Variants in IL16 observed in about 807,000 individuals in gnomAD.
The protein encoded by IL16 is pro-interleukin-16.
In IL16, 67 loss-of-function variants were observed where a neutral mutation model predicts 110.1. The ratio of observed to expected loss-of-function variants is 0.61; its 90% CI spans 0.50 to 0.75. The LOEUF (loss-of-function observed/expected upper bound fraction) is 0.75, where lower values mean the gene tolerates loss of function less well. Ranked by LOEUF, IL16 falls within the 30% of genes least tolerant of loss-of-function variation. The probability of loss-of-function intolerance (pLI) is 0.00; values close to 1 mark genes in which losing one functional copy is unlikely to be tolerated. For missense variants in IL16, 1,545 were observed against 1,655.0 expected (o/e 0.93, Z 1.15); for synonymous variants, 689 against 662.9 (o/e 1.04, Z -0.61).
At chr15:81,232,117 A>T in intron 2 of IL16, among the ~76,000 whole-genome samples, 2 of 89,402 alleles carry the variant, frequency 2.2e-5, no homozygotes. Context: ...TTTCCGTTGG[A>T]ATTTTTATTG....
chr15:81,281,426 A>G (rs1218309738), intron 8 of IL16, among the ~76,000 whole-genome samples: 1 of 152,076 alleles, frequency 6.6e-6, no homozygotes, highest in Admixed American at 6.5e-5. Context: ...ATCCAGCCCC[A>G]CGGCCCTAAC....
At chr15:81,294,062 G>A (rs563792960) in intron 12 of IL16, among the ~76,000 whole-genome samples, 72 of 152,316 alleles carry the variant, frequency 4.7e-4, no homozygotes, top group African/African-American at 1.3e-3. Flanking sequence ...TAAGCACACC[G>A]TGGGCAGGTG....
intron 2 of IL16, among the ~76,000 whole-genome samples, chr15:81,238,831 T>TTG (rs1897257268): frequency 6.6e-6 from 1 of 151,364 alleles, no homozygotes; most frequent in African/African-American, 2.4e-5. Context: ...CTTTTAGTTT[T>TTG]TTTTTTTTTT....
At chr15:81,215,724 G>A (rs1473374572) in intron 1 of IL16, among the ~76,000 whole-genome samples, 2 of 152,166 alleles carry the variant, frequency 1.3e-5, no homozygotes, top group Non-Finnish European at 2.9e-5. Context: ...TTCCCACCCT[G>A]GCCCGGGAAC....
intron 12 of IL16, among the ~76,000 whole-genome samples, chr15:81,294,181 G>A (rs17875489): frequency 0.019 from 2,864 of 152,338 alleles, 89 homozygotes; most frequent in African/African-American, 0.058. Flanking sequence ...GAAAGTGAAG[G>A]AGGGAGGAGG....
chr15:81,218,912 T>A (rs1045162607), intron 1 of IL16, among the ~76,000 whole-genome samples: 3 of 150,550 alleles, frequency 2.0e-5, no homozygotes, highest in Non-Finnish European at 2.9e-5. Context: ...TTCTCCTCTT[T>A]TACTGTTTTT....
At chr15:81,253,450 C>T (rs2142156446) in intron 2 of IL16, among the ~76,000 whole-genome samples, 1 of 152,098 alleles carries the variant, frequency 6.6e-6, no homozygotes, top group Non-Finnish European at 1.5e-5. Context: ...TGATGGTGTC[C>T]TTTGAGGCAC....
intron 13 of IL16, 69 bp from the exon 14 acceptor site, chr15:81,299,311 A>G (rs1346964651): frequency 6.2e-7 from 1 of 1,600,470 alleles, no homozygotes; most frequent in Admixed American, 1.7e-5. Context: ...CAGCTTGGAA[A>G]CTAGAATTTA....
chr15:81,225,349 AG>A lies in IL16; in HGVS notation c.-48del. On this transcript the variant is annotated 5_prime_UTR_variant, in exon 2 of 19. An upstream open reading frame in the 5' UTR loses its in-frame stop. Transcript: ENST00000683961. ...CTGTCCAGTGGCCACCCGTCAGCCA[AG>A]GGCCAGAGACCAGGAAAGGAAGAAA... is the stretch of plus-strand genomic sequence containing the variant. 1 of 1,594,678 alleles carries A rather than the reference AG, an allele frequency of 6.3e-7. No homozygotes were observed.
rs1900825270 is a variant in IL16 at position 81,311,006 on chromosome 15, C to T, written c.*2208C>T. The T allele has an allele frequency of 6.6e-6, 1 of 152,248 alleles. No homozygotes were observed. The highest frequency in any genetic ancestry group is 2.1e-4 in the South Asian group (1 of 4,834). The allele number at this position is 152,248 out of a possible 1,614,324, so 9.4% of individuals were successfully genotyped here. A position where few individuals can be genotyped will look rare whatever the true frequency, so the allele number is the denominator to read the frequency against. On this transcript the variant is annotated 3_prime_UTR_variant, in exon 19 of 19. Transcript: ENST00000683961. The stretch of plus-strand genomic sequence containing the variant: ...ACTCCTAGGGCCACTGAAGATATAA[C>T]TATTGCCCAGGTTTCTGGTCTCTAG...
intron 5 of IL16, among the ~76,000 whole-genome samples, chr15:81,271,468 A>G (rs970667475): frequency 1.3e-5 from 2 of 151,988 alleles, no homozygotes; most frequent in African/African-American, 2.4e-5. Context: ...GGGAGACGCT[A>G]TCTCTAATGA....
chr15:81,229,545 T>A (rs1896902457), intron 2 of IL16, among the ~76,000 whole-genome samples: 1 of 152,098 alleles, frequency 6.6e-6, no homozygotes. Flanking sequence ...TTCTTTTTTT[T>A]AAGGAGTACA....
intron 3 of IL16, 67 bp from the exon 4 acceptor site, chr15:81,265,592 T>C: frequency 6.4e-7 from 1 of 1,566,322 alleles, no homozygotes; most frequent in Non-Finnish European, 8.7e-7. Flanking sequence ...GCTGATATTG[T>C]TCTTAGTTGA....
chr15:81,284,293 A>G (rs548134571), intron 9 of IL16, among the ~76,000 whole-genome samples: 1 of 152,272 alleles, frequency 6.6e-6, no homozygotes, highest in Admixed American at 6.5e-5. Context: ...CCATCCTTTT[A>G]AAGGGTTTCC....
At position 81,243,143 on chromosome 15, in the gene IL16, G is replaced by GTATATATATATATATATATATA. The variant is rs1275444035; in HGVS notation, c.313-16608_313-16607insATATATATATATATATATATAT. Among the ~76,000 whole-genome samples the GTATATATATATATATATATATA allele has an allele frequency of 8.0e-4, 38 of 47,210 alleles. 1 individual carries two copies. The highest frequency in any genetic ancestry group is 1.4e-3 in the African/African-American group (16 of 11,322). The allele number at this position is 47,210 out of a possible 152,430, so 31.0% of individuals were successfully genotyped here. A position where few individuals can be genotyped will look rare whatever the true frequency, so the allele number is the denominator to read the frequency against. ...TTTTGCTTATATATTAGCTATATAA[G>GTATATATATATATATATATATA]TATATATATATATATATATATTTTT... On this transcript the variant is annotated intron_variant, in intron 2 of 18. Transcript: ENST00000683961.
intron 3 of IL16, among the ~76,000 whole-genome samples, chr15:81,262,557 C>A (rs1049178448): frequency 7.2e-6 from 1 of 139,212 alleles, no homozygotes; most frequent in Non-Finnish European, 1.6e-5. Context: ...TTTTATTTTG[C>A]GTTTTTTGTT....
Position 81,183,359 on chromosome 15 carries a change from G to A in IL16, c.40+463G>A, listed in dbSNP as rs181151937. On this transcript the variant is annotated intron_variant, in intron 1 of 18. Transcript: ENST00000302987. ...CTGCTCAGCTCCGGGAGAAGTGAAC[G>A]GAGTGCTGGTCTCTGGAGCAGATCT... Among the ~76,000 whole-genome samples, 64 of 152,342 alleles carry A rather than the reference G, an allele frequency of 4.2e-4. 1 individual carries two copies. In the East Asian group the frequency reaches 9.3e-3, roughly 22 times the overall value.
chr15:81,232,042 GTTT>G, intron 2 of IL16, among the ~76,000 whole-genome samples: 16 of 57,704 alleles, frequency 2.8e-4, no homozygotes, highest in African/African-American at 9.0e-4. Flanking sequence ...ATTTGTTCTT[GTTT>G]TTTTTTTTTT....
chr15:81,275,739 G>A (rs1375892220), intron 6 of IL16, among the ~76,000 whole-genome samples: 1 of 152,128 alleles, frequency 6.6e-6, no homozygotes, highest in Non-Finnish European at 1.5e-5. Context: ...CCTGATTCTA[G>A]CCTCAAACAT....
Sources: allele counts gnomAD v4.1 joint callset (sites outside exome capture counted in the v4.1 genomes callset), GRCh38; gene constraint gnomAD v4.1.1; transcripts MANE v1.5; gene names NCBI Gene and HGNC (gene_info 2026-07-23, HGNC 2026-07-21).